Variants in INPP4B observed in about 807,000 individuals in gnomAD.
The protein encoded by INPP4B is inositol polyphosphate-4-phosphatase type II B, also known as inositol polyphosphate 4-phosphatase type II.
A neutral mutation model predicts 122.5 loss-of-function variants in INPP4B; 55 were observed. That is an observed-to-expected ratio of 0.45 (90% CI 0.36 to 0.56). The LOEUF is 0.56. Ranked by LOEUF, INPP4B falls within the 20% of genes least tolerant of loss-of-function variation. INPP4B has a pLI of 0.00. For synonymous variants in INPP4B, 403 were observed against 388.7 expected (o/e 1.04, Z -0.43); for missense variants, 1,000 against 1,097.7 (o/e 0.91, Z 1.26).
chr4:142,629,651 A>T (rs1747482187), intron 2 of INPP4B, among the ~76,000 whole-genome samples: 1 of 152,104 alleles, frequency 6.6e-6, no homozygotes, highest in African/African-American at 2.4e-5. Context: ...GCCATGAAAA[A>T]ACATGACACA....
chr4:142,289,852 C>T (rs1008510723), intron 9 of INPP4B, among the ~76,000 whole-genome samples: 2 of 152,158 alleles, frequency 1.3e-5, no homozygotes, highest in Non-Finnish European at 2.9e-5. Context: ...AGTTTTGTTT[C>T]CTCCCTTTCT....
chr4:142,392,819 T>C (rs1184722766), intron 7 of INPP4B, among the ~76,000 whole-genome samples: 1 of 152,194 alleles, frequency 6.6e-6, no homozygotes, highest in Non-Finnish European at 1.5e-5. Context: ...GAGAAAACAT[T>C]GGGTATTATA....
At chr4:142,058,608 T>C (rs977196035) in intron 25 of INPP4B, among the ~76,000 whole-genome samples, 1 of 152,170 alleles carries the variant, frequency 6.6e-6, no homozygotes, top group South Asian at 2.1e-4. Flanking sequence ...TTAACACTTA[T>C]GAAATACTCA....
chr4:142,490,012 T>C (rs756463308), intron 2 of INPP4B, among the ~76,000 whole-genome samples: 5 of 152,162 alleles, frequency 3.3e-5, no homozygotes, highest in East Asian at 1.9e-4. Flanking sequence ...CTTTGTATTA[T>C]AGACAGCATT....
At chr4:142,789,779 C>G (rs12502867) in intron 1 of INPP4B, among the ~76,000 whole-genome samples, 15,342 of 151,928 alleles carry the variant, frequency 0.1, 1,065 homozygotes, top group African/African-American at 0.19. Context: ...CATTGCCAAA[C>G]CAAGACTAAG....
At chr4:142,779,047 G>A (rs749344354) in intron 1 of INPP4B, among the ~76,000 whole-genome samples, 16 of 151,856 alleles carry the variant, frequency 1.1e-4, no homozygotes, top group African/African-American at 3.9e-4. Flanking sequence ...TATGTAAATG[G>A]AAAAGGTAAC....
At chr4:142,139,587 G>A (rs749284823) in intron 18 of INPP4B, among the ~76,000 whole-genome samples, 5 of 152,136 alleles carry the variant, frequency 3.3e-5, no homozygotes, top group East Asian at 3.9e-4. Flanking sequence ...GATTACAGTC[G>A]TGAGCCACCC....
chr4:142,469,953 T>A (rs1263439328), intron 2 of INPP4B, among the ~76,000 whole-genome samples: 1 of 152,086 alleles, frequency 6.6e-6, no homozygotes, highest in East Asian at 1.9e-4. Flanking sequence ...CAGTTGCCTA[T>A]CCTTTTAGAA....
intron 16 of INPP4B, among the ~76,000 whole-genome samples, chr4:142,160,819 A>G (rs749203531): frequency 1.3e-5 from 2 of 151,976 alleles, no homozygotes; most frequent in Non-Finnish European, 2.9e-5. Context: ...TGTCTCCTCA[A>G]CCTTCTCCCT....
At chr4:142,768,426 G>A (rs1453286202) in intron 1 of INPP4B, among the ~76,000 whole-genome samples, 2 of 152,130 alleles carry the variant, frequency 1.3e-5, no homozygotes, top group African/African-American at 4.8e-5. Context: ...TCTGCCCAGA[G>A]GTCATAGCAG....
chr4:142,352,157 G>A (rs60684776), intron 7 of INPP4B, among the ~76,000 whole-genome samples: 16,820 of 151,828 alleles, frequency 0.11, 993 homozygotes, highest in East Asian at 0.18. Flanking sequence ...CAGCGAATGT[G>A]TTTCTAAAGA....
At position 142,610,791 on chromosome 4, in the gene INPP4B, C is replaced by T. The variant is rs79426347; in HGVS notation, c.-191+115048G>A. 8.9e-3 allele frequency among the ~76,000 whole-genome samples: 1,350 copies of T among 152,110 alleles called. 25 individuals are homozygous for T. The highest frequency in any genetic ancestry group is 0.031 in the African/African-American group (1,280 of 41,490). The stretch of plus-strand genomic sequence containing the variant: ...TGAGAAATATATATATGTATGTGTA[C>T]ACACACACCCACACATTACAAACTG... On this transcript the variant is annotated intron_variant, in intron 2 of 25. Coordinates refer to ENST00000262992, the MANE Select transcript of INPP4B (RefSeq NM_001101669.3).
At chr4:142,635,917 C>G (rs115197220) in intron 2 of INPP4B, among the ~76,000 whole-genome samples, 1 of 152,098 alleles carries the variant, frequency 6.6e-6, no homozygotes, top group African/African-American at 2.4e-5. Context: ...ACAAAAATAA[C>G]TGCATTTCTA....
intron 2 of INPP4B, among the ~76,000 whole-genome samples, chr4:142,626,700 C>T (rs145219834): frequency 0.011 from 1,713 of 152,108 alleles, 22 homozygotes; most frequent in Middle Eastern, 0.054. Context: ...TTTTAAGCTA[C>T]TGAGTTTGTA....
At chr4:142,113,306 T>C (rs766822170) in intron 21 of INPP4B, among the ~76,000 whole-genome samples, 6 of 151,572 alleles carry the variant, frequency 4.0e-5, no homozygotes, top group Non-Finnish European at 5.9e-5. Flanking sequence ...TAGTACAATA[T>C]GATTAATAAG....
chr4:142,042,045 A>G (rs917455493), intron 25 of INPP4B, among the ~76,000 whole-genome samples: 1 of 152,092 alleles, frequency 6.6e-6, no homozygotes, highest in African/African-American at 2.4e-5. Flanking sequence ...TGTATTCTCT[A>G]TACTCCATAG....
At chr4:142,448,949 C>T (rs1395729600) in intron 3 of INPP4B, among the ~76,000 whole-genome samples, 1 of 152,084 alleles carries the variant, frequency 6.6e-6, no homozygotes, top group African/African-American at 2.4e-5. Flanking sequence ...GACCCCTGAC[C>T]AGGCAGAAGA....
Position 142,265,131 on chromosome 4 carries a change from C to A in INPP4B, c.616-4567G>T, listed in dbSNP as rs561642287. ...AACAGGCTGGCACCTTGATCTGGGA[C>A]TTCCTAGCTTCCAGAACCGTGAGAA... On this transcript the variant is annotated intron_variant, in intron 10 of 25. Coordinates refer to ENST00000262992, the MANE Select transcript of INPP4B (RefSeq NM_001101669.3). Among the ~76,000 whole-genome samples the A allele has an allele frequency of 7.2e-5, 11 of 152,314 alleles. No homozygotes were observed. In the South Asian group the frequency reaches 1.7e-3, roughly 23 times the overall value.
intron 2 of INPP4B, among the ~76,000 whole-genome samples, chr4:142,696,550 T>G (rs780383550): frequency 2.0e-5 from 3 of 152,178 alleles, no homozygotes; most frequent in Non-Finnish European, 4.4e-5. Flanking sequence ...ACACCTTCAG[T>G]GCTTGCCCAA....
Sources: allele counts gnomAD v4.1 joint callset (sites outside exome capture counted in the v4.1 genomes callset), GRCh38; gene constraint gnomAD v4.1.1; transcripts MANE v1.5; gene names NCBI Gene and HGNC (gene_info 2026-07-23, HGNC 2026-07-21).